Variants in USP47 observed in about 807,000 individuals in gnomAD.
USP47 encodes the protein ubiquitin carboxyl-terminal hydrolase 47.
A neutral mutation model predicts 165.1 loss-of-function variants in USP47; 35 were observed. The observed-to-expected ratio is 0.21, with a 90% confidence interval of 0.16 to 0.28. The LOEUF is 0.28. USP47 is among the 10% of genes least tolerant of loss of function. The probability of loss-of-function intolerance (pLI) is 1.00; values close to 1 mark genes in which losing one functional copy is unlikely to be tolerated. For synonymous variants in USP47, 531 were observed against 544.5 expected (o/e 0.98, Z 0.35); for missense variants, 1,277 against 1,607.4 (o/e 0.79, Z 3.52).
intron 11 of USP47, among the ~76,000 whole-genome samples, chr11:11,925,998 TC>T (rs1366642225): frequency 6.6e-6 from 1 of 152,182 alleles, no homozygotes; most frequent in Non-Finnish European, 1.5e-5. Context: ...ATTGAAGCGA[TC>T]CTGTGGTTTT....
In USP47 at chr11:11,902,868, T is replaced by C; in HGVS notation, c.739+8T>C. 1 of 1,557,598 alleles carries C rather than the reference T, an allele frequency of 6.4e-7. No individual in the cohort carries two copies. The highest frequency in any genetic ancestry group is 8.6e-7 in the Non-Finnish European group (1 of 1,157,256). On this transcript the variant is annotated splice_region_variant and intron_variant, in intron 6 of 27. Transcript: ENST00000527733. ...GATGGGATAGTAGTGAGGGTACTAA[T>C]TCTCTTGTAATGATAAGCGTTCTAA... is the stretch of plus-strand genomic sequence containing the variant.
rs555824843 is a variant in USP47, at chr11:11,956,013, A to G, written c.3906A>G (p.Glu1302=). 1.6e-5 allele frequency: 25 copies of G among 1,567,564 alleles called. No homozygotes were observed. Among genetic ancestry groups the G allele is most frequent in the Non-Finnish European group, 2.1e-5 (25 of 1,163,036 alleles). ...GAVIFYRDKT[E]ELMELTDEQR... ...ATTTTATATGTAGGGATAAAACAGA[A>G]GAATTAATGGAATTGACAGATGAGC... Residue 1302 remains glutamate, a synonymous_variant, in exon 28 of 28, where the codon GAA becomes GAG. Transcript: ENST00000527733.
rs1265559457 is a variant in USP47, at chr11:11,917,132, A to G, written c.970-3024A>G. The stretch of plus-strand genomic sequence containing the variant: ...ACCACTGCATTCCAGCCTGGATGAC[A>G]GAGCAAGACCTCATCTGAAAAAAAA... On this transcript the variant is annotated intron_variant, in intron 8 of 27. Coordinates refer to ENST00000527733, the MANE Select transcript of USP47 (RefSeq NM_001282659.2). Among the ~76,000 whole-genome samples, 4 of 152,220 alleles carry G rather than the reference A, an allele frequency of 2.6e-5. No individual in the cohort carries two copies. In the East Asian group the frequency reaches 5.8e-4, roughly 22 times the overall value.
chr11:11,847,627 C>G (rs1848500795), intron 1 of USP47, among the ~76,000 whole-genome samples: 1 of 152,134 alleles, frequency 6.6e-6, no homozygotes, highest in African/African-American at 2.4e-5. Context: ...CTTTTTCTCA[C>G]ATATAGTTCA....
At chr11:11,915,473 A>C (rs915499967) in intron 8 of USP47, among the ~76,000 whole-genome samples, 1 of 152,212 alleles carries the variant, frequency 6.6e-6, no homozygotes, top group Non-Finnish European at 1.5e-5. Flanking sequence ...TATGGAACTT[A>C]ATAGACACAT....
Position 11,938,275 on chromosome 11 carries a change from A to G in USP47, c.2096A>G (p.His699Arg), listed in dbSNP as rs1235337623. 1.2e-6 allele frequency: 2 copies of G among 1,612,042 alleles called. No homozygotes were observed. The highest frequency in any genetic ancestry group is 2.2e-5 in the East Asian group (1 of 44,802). ...GTGACAGAAGTGATGGTGAAAGTTC[A>G]TGTTGTTGATCTAAAGGCAGAATCT... The part of the protein sequence containing the change: ...YKPGEVMVKV[H>R]VVDLKAESVA... Residue 699 changes from histidine (H) to arginine (R), a missense_variant, in exon 18 of 28, where the codon CAT becomes CGT. By Grantham distance (29) the His-to-Arg change is conservative. Around this residue, in one of 4 missense-constraint regions of USP47, gnomAD observed 909 missense variants for 1,068.1 expected, o/e 0.85. Coordinates refer to ENST00000527733, the MANE Select transcript of USP47 (RefSeq NM_001282659.2).
At chr11:11,918,523 G>A (rs1853591764) in intron 8 of USP47, among the ~76,000 whole-genome samples, 1 of 152,018 alleles carries the variant, frequency 6.6e-6, no homozygotes, top group African/African-American at 2.4e-5. Context: ...TTGAAGTTAA[G>A]AGGCAAAGCA....
rs1650787301 is a variant in USP47 at position 11,889,038 on chromosome 11, G to A, written c.358-2930G>A. Among the ~76,000 whole-genome samples the A allele has an allele frequency of 2.0e-5, 3 of 152,084 alleles. No individual in the cohort carries two copies. The South Asian group carries it at 6.2e-4, about 32-fold the overall frequency. On this transcript the variant is annotated intron_variant, in intron 3 of 27. Coordinates refer to ENST00000527733, the MANE Select transcript of USP47 (RefSeq NM_001282659.2). ...AAAAACTCTGAATAAACTAGGAATT[G>A]AAGGAATATACTCAAAATAGCAAGA...
rs773404894 is a variant in USP47, at chr11:11,942,414, A to G, written c.2393A>G (p.His798Arg). 1.2e-6 allele frequency: 2 copies of G among 1,613,528 alleles called. No homozygotes were observed. The highest frequency in any genetic ancestry group is 3.3e-5 in the Admixed American group (2 of 59,930). The change falls in exon 20 of 28, where the codon CAT becomes CGT. Residue 798 changes from histidine (H) to arginine (R), a missense_variant. Transcript: ENST00000527733. ...CATTTATGGAAACTCCTGGATCGGC[A>G]TGCAAATACAATCAGATTATTTGTT... ...DSHLWKLLDR[H>R]ANTIRLFVLL...
chr11:11,906,192 A>G (rs916857095), intron 8 of USP47, among the ~76,000 whole-genome samples: 3 of 152,132 alleles, frequency 2.0e-5, no homozygotes, highest in South Asian at 4.1e-4. Context: ...TTATCTATAC[A>G]TATGTGTATT....
intron 7 of USP47, 86 bp downstream of exon 7, chr11:11,903,428 TA>T: frequency 7.6e-7 from 1 of 1,317,928 alleles, no homozygotes; most frequent in Middle Eastern, 1.9e-4. Flanking sequence ...TGGAATGTTT[TA>T]AAACTTGGGC....
intron 1 of USP47, among the ~76,000 whole-genome samples, chr11:11,873,204 A>G (rs966201640): frequency 2.7e-5 from 4 of 149,954 alleles, no homozygotes; most frequent in African/African-American, 7.6e-5. Flanking sequence ...TATTAACTGA[A>G]GAAGGGAGAA....
intron 7 of USP47, among the ~76,000 whole-genome samples, chr11:11,904,836 AT>A (rs1230197587): frequency 2.0e-5 from 3 of 152,154 alleles, no homozygotes; most frequent in South Asian, 2.1e-4. Flanking sequence ...ATGGTGTAAT[AT>A]TTCTCTATAA....
intron 7 of USP47, 140 bp downstream of exon 7, chr11:11,903,482 C>T: frequency 1.4e-6 from 1 of 735,020 alleles, no homozygotes; most frequent in Non-Finnish European, 2.2e-6. Context: ...ATTGAAAGTA[C>T]TGAGTTCTCA....
intron 5 of USP47, among the ~76,000 whole-genome samples, chr11:11,898,544 C>T (rs1358774328): frequency 6.6e-6 from 1 of 152,032 alleles, no homozygotes; most frequent in African/African-American, 2.4e-5. Context: ...ATTCTGTATG[C>T]ATGTATTGCC....
intron 5 of USP47, among the ~76,000 whole-genome samples, chr11:11,898,382 A>G (rs1458665153): frequency 6.6e-6 from 1 of 151,642 alleles, no homozygotes; most frequent in Admixed American, 6.6e-5. Context: ...TTTTTGTGTT[A>G]CTTTCCACTA....
chr11:11,886,423 C>T (rs76590258), intron 3 of USP47, among the ~76,000 whole-genome samples: 4,884 of 152,244 alleles, frequency 0.032, 261 homozygotes, highest in African/African-American at 0.11. Context: ...CTGAAAAATA[C>T]ACTACAAGAA....
Position 11,905,426 on chromosome 11 carries a change from G to A in USP47, c.847G>A (p.Gly283Ser). 6.3e-7 allele frequency: 1 copy of A among 1,595,632 alleles called. No individual in the cohort carries two copies. Among genetic ancestry groups the A allele is most frequent in the Non-Finnish European group, 8.6e-7 (1 of 1,168,252 alleles). Residue 283 changes from glycine to serine, a missense_variant, in exon 8 of 28, where the codon GGC (glycine) becomes AGC (serine). Coordinates refer to ENST00000527733, the MANE Select transcript of USP47 (RefSeq NM_001282659.2). ...TGATCTTATAAATGAGCTATATCAA[G>A]GCAAGCTGAAGGACTACGTGAGATG... ...QADLINELYQ[G>S]KLKDYVRCLE... is the part of the protein sequence containing the mutation.
chr11:11,923,666 C>T (rs1006677277), intron 11 of USP47, among the ~76,000 whole-genome samples: 1 of 152,132 alleles, frequency 6.6e-6, no homozygotes, highest in Non-Finnish European at 1.5e-5. Flanking sequence ...ATTACAGAGT[C>T]ATTAAATATA....
Sources: gnomAD v4.1 joint callset for allele counts (sites outside exome capture counted in the v4.1 genomes callset) on GRCh38, gnomAD v4.1.1 for gene constraint, gnomAD v4.1.1 regional missense constraint, MANE v1.5 for transcripts, NCBI Gene and HGNC (gene_info 2026-07-23, HGNC 2026-07-21) for gene names.